The following DNAH10 variants were observed in gnomAD, a reference collection of about 807,000 sequenced individuals.
DNAH10 encodes the protein dynein axonemal heavy chain 10, also known as axonemal beta dynein heavy chain 10.
Under a neutral mutation model 506.6 loss-of-function variants are expected in DNAH10, and 348 were observed. The ratio of observed to expected loss-of-function variants is 0.69; its 90% CI spans 0.63 to 0.75. The LOEUF (loss-of-function observed/expected upper bound fraction) is 0.75. DNAH10 is among the 30% of genes least tolerant of loss of function. The pLI is 0.00. For synonymous variants in DNAH10, 2,059 were observed against 2,198.6 expected (o/e 0.94, Z 1.78); for missense variants, 5,179 against 5,787.1 (o/e 0.89, Z 3.41).
At chr12:123,811,368 G>A (rs1958925340) in intron 19 of DNAH10, among the ~76,000 whole-genome samples, 2 of 151,736 alleles carry the variant, frequency 1.3e-5, no homozygotes, top group African/African-American at 4.8e-5. Flanking sequence ...CTTTCACCAG[G>A]CTGAAGTGCA....
In DNAH10 at chr12:123,897,800, T is replaced by G. The variant is rs372411534; in HGVS notation, c.9311T>G (p.Ile3104Arg). ...GYNPMIPAEN[I>R]ENVVKHVVLV... ...AATCCAATGATCCCGGCAGAAAATA[T>G]AGAAAATGTGGTGAAGCATGTTGTC... The change falls in exon 55 of 79, where the codon ATA (isoleucine) becomes AGA (arginine). Residue 3104 changes from isoleucine to arginine, a missense_variant. Coordinates refer to ENST00000673944, the MANE Select transcript of DNAH10 (RefSeq NM_001372106.1). 3.1e-5 allele frequency: 50 copies of G among 1,608,376 alleles called. No homozygotes were observed. Among genetic ancestry groups the G allele is most frequent in the Non-Finnish European group, 4.2e-5 (50 of 1,178,648 alleles).
chr12:123,880,411 C>G (rs1952452978), intron 50 of DNAH10, among the ~76,000 whole-genome samples: 1 of 152,186 alleles, frequency 6.6e-6, no homozygotes, highest in Admixed American at 6.5e-5. Context: ...ACGATCACGG[C>G]TCTCTGCAGC....
chr12:123,882,609 A>G (rs545869985), intron 51 of DNAH10, among the ~76,000 whole-genome samples: 205 of 152,034 alleles, frequency 1.3e-3, no homozygotes, highest in Non-Finnish European at 2.5e-3. Flanking sequence ...CCTTGCCAAC[A>G]TGGTGAAACC....
chr12:123,921,450 C>T (rs908186594), intron 65 of DNAH10, among the ~76,000 whole-genome samples: 3 of 152,214 alleles, frequency 2.0e-5, no homozygotes, highest in Non-Finnish European at 4.4e-5. Flanking sequence ...CAGGCAGTTG[C>T]CTGGCAGCAT....
chr12:123,814,737 C>A (rs1013928766), intron 21 of DNAH10, among the ~76,000 whole-genome samples: 4 of 151,764 alleles, frequency 2.6e-5, no homozygotes, highest in African/African-American at 9.7e-5. Flanking sequence ...GCCTCAGCCT[C>A]CCGAGTACCT....
In DNAH10 at chr12:123,899,077, G is replaced by A. The variant is rs147726583; in HGVS notation, c.9640+263G>A. Reference sequence around the variant, plus strand: ...GTAGGCCCCTGCGCTGGTAGCCTGAGGATGTTCAGGGGAGTGGAAAAGTCA... The same window carrying A: ...GTAGGCCCCTGCGCTGGTAGCCTGAAGATGTTCAGGGGAGTGGAAAAGTCA... On this transcript the variant is annotated intron_variant, in intron 56 of 78. Transcript: ENST00000673944. 4.4e-3 allele frequency among the ~76,000 whole-genome samples: 670 copies of A among 152,302 alleles called. 17 individuals are homozygous for A. Among genetic ancestry groups the A allele is most frequent in the Admixed American group, 0.038 (584 of 15,302 alleles).
intron 57 of DNAH10, among the ~76,000 whole-genome samples, chr12:123,908,140 T>TGTCTCCTCCCTATCTCCCTGTCTCC (rs1566083021): frequency 9.4e-6 from 1 of 106,068 alleles, no homozygotes; most frequent in African/African-American, 4.3e-5. Flanking sequence ...TCCCTGTCTC[T>TGTCTCCTCCCTATCTCCCTGTCTCC]CTGTCTCCTC....
At chr12:123,930,262 T>C (rs896017053) in intron 72 of DNAH10, 140 bp from the exon 73 acceptor site, 4 of 762,574 alleles carry the variant, frequency 5.2e-6, no homozygotes, top group Non-Finnish European at 7.9e-6. Context: ...CGAAAGGTTA[T>C]GCAAGTCAAC....
chr12:123,803,948 CA>C (rs1958565028), intron 17 of DNAH10, 123 bp downstream of exon 17: 3 of 907,216 alleles, frequency 3.3e-6, no homozygotes, highest in African/African-American at 3.6e-5. Context: ...TGAATGGCAT[CA>C]AACCATTTCT....
intron 29 of DNAH10, among the ~76,000 whole-genome samples, chr12:123,841,099 C>A (rs1195016842): frequency 6.6e-6 from 1 of 152,220 alleles, no homozygotes; most frequent in Non-Finnish European, 1.5e-5. Context: ...TCTTTTCAAT[C>A]CTCCACAGAT....
chr12:123,822,604 C>T (rs939729276), intron 24 of DNAH10, among the ~76,000 whole-genome samples: 1 of 152,056 alleles, frequency 6.6e-6, no homozygotes, highest in African/African-American at 2.4e-5. Flanking sequence ...TAATCTATAT[C>T]TAATGTATAT....
chr12:123,924,048 C>T (rs1023098250), intron 66 of DNAH10, 181 bp downstream of exon 66: 15 of 730,174 alleles, frequency 2.1e-5, no homozygotes, highest in African/African-American at 1.6e-4. Flanking sequence ...TGGTTGAAAT[C>T]GGAGCAGCCA....
intron 38 of DNAH10, 85 bp from the exon 39 acceptor site, chr12:123,860,927 T>C: frequency 6.3e-7 from 1 of 1,584,570 alleles, no homozygotes; most frequent in Non-Finnish European, 8.6e-7. Context: ...AGTCAAAACA[T>C]CTAATTCCTC....
intron 77 of DNAH10, 134 bp from the exon 78 acceptor site, chr12:123,934,487 C>G: frequency 9.1e-7 from 1 of 1,100,396 alleles, no homozygotes; most frequent in Non-Finnish European, 1.3e-6. Context: ...GGAGAAGGGC[C>G]TGGGCTGTCC....
At chr12:123,825,026 C>T (rs1235970465) in intron 24 of DNAH10, among the ~76,000 whole-genome samples, 4 of 151,978 alleles carry the variant, frequency 2.6e-5, no homozygotes, top group African/African-American at 7.3e-5. Flanking sequence ...CATGAGAATA[C>T]GTCCCTAAAA....
chr12:123,867,244 CTG>C (rs1252027630), intron 41 of DNAH10, among the ~76,000 whole-genome samples: 1 of 152,182 alleles, frequency 6.6e-6, no homozygotes, highest in Non-Finnish European at 1.5e-5. Flanking sequence ...ATGGTAGACT[CTG>C]TGGCAGCGAA....
chr12:123,871,695 T>C (rs117471586), intron 45 of DNAH10, 93 bp downstream of exon 45: 75,437 of 1,424,300 alleles, frequency 0.053, 2,295 homozygotes, highest in Non-Finnish European at 0.061. Context: ...GATCTCACAG[T>C]TTCCGTGGGT....
At chr12:123,818,171 G>A (rs976273073) in intron 21 of DNAH10, among the ~76,000 whole-genome samples, 2 of 151,974 alleles carry the variant, frequency 1.3e-5, no homozygotes, top group Admixed American at 6.5e-5. Flanking sequence ...GGTCTTGAAC[G>A]CCTGACCTCA....
chr12:123,849,550 C>T (rs912547296), intron 34 of DNAH10, among the ~76,000 whole-genome samples: 3 of 152,168 alleles, frequency 2.0e-5, no homozygotes, highest in African/African-American at 4.8e-5. Context: ...TTCCCTACAC[C>T]GGGGTCTTCT....
Sources: allele counts gnomAD v4.1 joint callset (sites outside exome capture counted in the v4.1 genomes callset), GRCh38; gene constraint gnomAD v4.1.1; transcripts MANE v1.5; gene names NCBI Gene and HGNC (gene_info 2026-07-23, HGNC 2026-07-21).